EPPK1: variants seen among roughly 807,000 people sequenced by gnomAD.
EPPK1 encodes the protein epiplakin 1, also known as epiplakin.
For synonymous variants in EPPK1, 1,862 were observed against 1,721.2 expected, an observed-to-expected ratio of 1.08 and a Z score of -2.03; for missense variants, 3,823 against 3,673.3, an observed-to-expected ratio of 1.04 and a Z score of -1.05.
Position 143,873,780 on chromosome 8 carries a change from T to C in EPPK1, c.-45-482A>G, listed in dbSNP as rs183983809. 1.2e-3 allele frequency among the ~76,000 whole-genome samples: 170 copies of C among 138,280 alleles called. 1 individual carries two copies. The highest frequency in any genetic ancestry group is 4.2e-3 in the African/African-American group (168 of 39,560). The allele number at this position is 138,280 out of a possible 152,430, so 90.7% of individuals were successfully genotyped here. ...TTTGTTCTCCAAAGGCTCTGCCCCA[T>C]GCCCTGCCCCACCCCAGCTCCAGTG... On this transcript the variant is annotated intron_variant, in intron 1 of 1. Transcript: ENST00000615648.
In EPPK1 at chr8:143,867,576, A is replaced by T; in HGVS notation, c.5678T>A (p.Leu1893Gln). 5.6e-6 allele frequency: 9 copies of T among 1,612,878 alleles called. No individual in the cohort carries two copies. Among genetic ancestry groups the T allele is most frequent in the Non-Finnish European group, 7.6e-6 (9 of 1,179,806 alleles). Residue 1893 changes from leucine to glutamine, a missense_variant, in exon 2 of 2, where the codon CTG becomes CAG. Coordinates refer to ENST00000615648, the MANE Select transcript of EPPK1 (RefSeq NM_031308.4). Reference sequence around the variant, plus strand: ...CCCCGCAATGCAGCCGCTGCCTTCCAGATAGGGCTTCACACACTCCAGCGT... The same window carrying T: ...CCCCGCAATGCAGCCGCTGCCTTCCTGATAGGGCTTCACACACTCCAGCGT... ...LSTLECVKPY[L>Q]EGSGCIAGVT...
rs782210559 is a variant in EPPK1, at chr8:143,867,440, C to G, written c.5814G>C (p.Gly1938=). 2 of 1,612,672 alleles carry G rather than the reference C, an allele frequency of 1.2e-6. No homozygotes were observed. Among genetic ancestry groups the G allele is most frequent in the South Asian group, 1.1e-5 (1 of 91,080 alleles). ...GGCGGGTGCAGGGGTCCAGGAGGAA[C>G]CCGGTGGCGGCCTGCGCCTCCAGCA... ...TWLLEAQAAT[G]FLLDPCTRQK... Residue 1938 remains glycine, a synonymous_variant, in exon 2 of 2, where the codon GGG becomes GGC. Transcript: ENST00000615648.
chr8:143,870,820 G>A lies in EPPK1; in HGVS notation c.2434C>T (p.Gln812Ter). The change falls in exon 2 of 2, where the codon CAG (glutamine) becomes TAG (stop). Residue 812 changes from glutamine to a stop codon, truncating the protein, a stop_gained. Coordinates refer to ENST00000615648, the MANE Select transcript of EPPK1 (RefSeq NM_031308.4). LOFTEE classifies it low-confidence loss of function (END_TRUNC). This position sits in a 1 kb window ranked among gnomAD's most constrained non-coding sequence, Gnocchi z 5.2. ...GAGAGCAGCAGGTTCTGGAAGGCCT[G>A]CTGGGTGGCACTGTCCACCAGCGGG... The part of the protein sequence containing the change: ...QSPLVDSATQ[Q>*]AFQNLLLSVK... 2 of 1,612,814 alleles carry A rather than the reference G, an allele frequency of 1.2e-6. No individual in the cohort carries two copies. The highest frequency in any genetic ancestry group is 1.7e-6 in the Non-Finnish European group (2 of 1,179,874).
chr8:143,878,150 G>C (rs1002475142), intron 1 of EPPK1, among the ~76,000 whole-genome samples: 1 of 151,912 alleles, frequency 6.6e-6, no homozygotes, highest in Non-Finnish European at 1.5e-5. Context: ...GTGAGGGCTC[G>C]GGGCCGGCGC....
rs782006653 is a variant in EPPK1 at position 143,869,716 on chromosome 8, GCA to G, written c.3536_3537del (p.Val1179AlafsTer23). On this transcript the variant is annotated frameshift_variant, in exon 2 of 2. Transcript: ENST00000615648. LOFTEE classifies it low-confidence loss of function (END_TRUNC). ...AGCTTGGTCTCCTGTACCCACCTCTGCACAGAGGCTAGCAGCTGTGGCACAGT... is the reference window on the plus strand; with the variant it reads ...AGCTTGGTCTCCTGTACCCACCTCTGCAGAGGCTAGCAGCTGTGGCACAGT... Reference protein sequence around the residue: ...RTTVPQLLASVQRWVQETKLL... With the variant: ...RTTVPQLLASXQRWVQETKLL... The G allele has an allele frequency of 2.5e-6, 4 of 1,598,182 alleles. No individual in the cohort carries two copies. The South Asian group carries it at 3.4e-5, about 14-fold the overall frequency.
chr8:143,868,311 G>A lies in EPPK1; in HGVS notation c.4943C>T (p.Ala1648Val). The A allele has an allele frequency of 6.2e-7, 1 of 1,613,124 alleles. No homozygotes were observed. Among genetic ancestry groups the A allele is most frequent in the African/African-American group, 1.3e-5 (1 of 75,052 alleles). Residue 1648 changes from alanine to valine, a missense_variant, in exon 2 of 2, where the codon GCC becomes GTC. Coordinates refer to ENST00000615648, the MANE Select transcript of EPPK1 (RefSeq NM_031308.4). ...TYVKLLSAERAVTGYTDPYTG... is the reference protein window; with the variant it reads ...TYVKLLSAERVVTGYTDPYTG... ...ATAGGGGTCGGTGTAGCCGGTGACG[G>A]CGCGCTCGGCCGACAGCAGCTTCAC...
Position 143,866,212 on chromosome 8 carries a change from C to G in EPPK1, c.7042G>C (p.Val2348Leu). Residue 2348 changes from valine (V) to leucine (L), a missense_variant, in exon 2 of 2, where the codon GTC becomes CTC. Coordinates refer to ENST00000615648, the MANE Select transcript of EPPK1 (RefSeq NM_031308.4). ...CGGTGGCTGTGCACGGGGTCGATGA[C>G]GCCGCCCGTGGCGATCTGGGCCTCC... Reference protein sequence around the residue: ...LLEAQIATGGVIDPVHSHRVP... With the variant: ...LLEAQIATGGLIDPVHSHRVP... 2.2e-6 allele frequency: 1 copy of G among 448,580 alleles called. No individual in the cohort carries two copies. The highest frequency in any genetic ancestry group is 5.2e-5 in the Admixed American group (1 of 19,110). 27.8% of individuals were successfully genotyped at this position (448,580 alleles called of 1,614,324 possible).
At position 143,869,310 on chromosome 8, in the gene EPPK1, T is replaced by C. The variant is rs1257001334; in HGVS notation, c.3944A>G (p.Glu1315Gly). The change falls in exon 2 of 2, where the codon GAG (glutamate) becomes GGG (glycine). Residue 1315 changes from glutamate to glycine, a missense_variant. Physicochemically the swap from Glu to Gly is moderately conservative, Grantham distance 98 (BLOSUM62 -2). Transcript: ENST00000615648. ...KVGLVGRELS[E>G]QLGQAERAAA... is the part of the protein sequence containing the mutation. ...CGCCCTCTCGGCCTGCCCGAGCTGCTCACTCAGCTCCCTGCCCACCAGGCC... is the reference window on the plus strand; with the variant it reads ...CGCCCTCTCGGCCTGCCCGAGCTGCCCACTCAGCTCCCTGCCCACCAGGCC... 1 of 1,605,270 alleles carries C rather than the reference T, an allele frequency of 6.2e-7. No individual in the cohort carries two copies. The highest frequency in any genetic ancestry group is 8.5e-7 in the Non-Finnish European group (1 of 1,175,656).
rs1554660440 is a variant in EPPK1 at position 143,869,632 on chromosome 8, G to C, written c.3622C>G (p.Leu1208Val). The C allele has an allele frequency of 6.3e-7, 1 of 1,583,926 alleles. No individual in the cohort carries two copies. The highest frequency in any genetic ancestry group is 8.6e-7 in the Non-Finnish European group (1 of 1,165,400). ...GPRGEVPAVW[L>V]LDAGIITQET... ...TGGGTGATGATGCCAGCATCCAGCA[G>C]CCAGACAGCGGGTACCTCACCCCGT... The change falls in exon 2 of 2, where the codon CTG becomes GTG. Residue 1208 changes from leucine to valine, a missense_variant. Leu to Val is a conservative substitution (Grantham distance 32, BLOSUM62 1). Transcript: ENST00000615648.
chr8:143,858,078 G>C lies in EPPK1; in HGVS notation c.15176C>G (p.Thr5059Arg). Residue 5059 changes from threonine to arginine, a missense_variant, in exon 2 of 2, where the codon ACG (threonine) becomes AGG (arginine). By Grantham distance (71) the Thr-to-Arg change is moderately conservative (BLOSUM62 -1). Coordinates refer to ENST00000615648, the MANE Select transcript of EPPK1 (RefSeq NM_031308.4). ...CTGCAGGTACGTGAGGTTCTCGTGCGTGTTGGGGTCGAAGAAGCCCTTGGT... is the reference window on the plus strand; with the variant it reads ...CTGCAGGTACGTGAGGTTCTCGTGCCTGTTGGGGTCGAAGAAGCCCTTGGT... The part of the protein sequence containing the change: ...DDTKGFFDPN[T>R]HENLTYLQLL... The C allele has an allele frequency of 1.2e-6, 2 of 1,613,484 alleles. No individual in the cohort carries two copies. Among genetic ancestry groups the C allele is most frequent in the Non-Finnish European group, 1.7e-6 (2 of 1,179,994 alleles).
chr8:143,869,941 C>T lies in EPPK1; in HGVS notation c.3313G>A (p.Asp1105Asn), dbSNP rs536640790. 5.4e-5 allele frequency: 87 copies of T among 1,608,418 alleles called. No homozygotes were observed. Among genetic ancestry groups the T allele is most frequent in the South Asian group, 2.2e-4 (20 of 90,234 alleles). ...YAQLLEECPRDETSGLHLLPL... is the reference protein window; with the variant it reads ...YAQLLEECPRNETSGLHLLPL... ...AGGAGGTGAAGGCCAGAAGTCTCAT[C>T]CCTGGGGCACTCCTCCAGGAGCTGG... The change falls in exon 2 of 2, where the codon GAT (aspartate) becomes AAT (asparagine). Residue 1105 changes from aspartate (D) to asparagine (N), a missense_variant. Coordinates refer to ENST00000615648, the MANE Select transcript of EPPK1 (RefSeq NM_031308.4).
At position 143,870,404 on chromosome 8, in the gene EPPK1, C is replaced by T. The variant is rs1329954334; in HGVS notation, c.2850G>A (p.Met950Ile). ...CCCTGGGCCCCAGCAGCTTCTGCCT[C>T]ATGGCCTGGTAGAGGCTGAGCCGCT... Reference protein sequence around the residue: ...SGQRLSLYQAMRQKLLGPRVA... With the variant: ...SGQRLSLYQAIRQKLLGPRVA... The change falls in exon 2 of 2, where the codon ATG (methionine) becomes ATA (isoleucine). Residue 950 changes from methionine to isoleucine, a missense_variant. Physicochemically the swap from Met to Ile is conservative, Grantham distance 10 (BLOSUM62 1). Transcript: ENST00000615648. The surrounding 1 kb of genome is among the most constrained non-coding windows in gnomAD (Gnocchi z 5.2). The T allele has an allele frequency of 1.6e-5, 25 of 1,584,330 alleles. No individual in the cohort carries two copies. The highest frequency in any genetic ancestry group is 2.7e-5 in the African/African-American group (2 of 74,192).
chr8:143,874,686 A>T (rs1819446963), intron 1 of EPPK1, among the ~76,000 whole-genome samples: 2 of 151,842 alleles, frequency 1.3e-5, no homozygotes. Flanking sequence ...AGTGTTCTGC[A>T]CCCCTGTGCC....
rs782102552 is a variant in EPPK1 at position 143,871,181 on chromosome 8, G to A, written c.2073C>T (p.Tyr691=). The change falls in exon 2 of 2, where the codon TAC becomes TAT. Residue 691 remains tyrosine, a synonymous_variant. Transcript: ENST00000615648. ...TCTGCTGCCCGGTGTAGGGGTCAGT[G>A]TAGCCAGTGACAGCGCGCTCAGCCG... ...LLSAERAVTG[Y]TDPYTGQQIS... The A allele has an allele frequency of 6.2e-7, 1 of 1,612,806 alleles. No homozygotes were observed. Among genetic ancestry groups the A allele is most frequent in the Non-Finnish European group, 8.5e-7 (1 of 1,179,944 alleles).
chr8:143,870,915 T>G lies in EPPK1; in HGVS notation c.2339A>C (p.Gln780Pro). 1 of 1,613,398 alleles carries G rather than the reference T, an allele frequency of 6.2e-7. No homozygotes were observed. The highest frequency in any genetic ancestry group is 1.1e-5 in the South Asian group (1 of 91,086). The change falls in exon 2 of 2, where the codon CAG becomes CCG. Residue 780 changes from glutamine (Q) to proline (P), a missense_variant. Physicochemically the swap from Gln to Pro is moderately conservative, Grantham distance 76. Transcript: ENST00000615648. This position sits in a 1 kb window ranked among gnomAD's most constrained non-coding sequence, Gnocchi z 5.2. ...PNTHENLTYL[Q>P]LLERCVRDPE... ...GTCACGCACACAGCGCTCCAGAAGC[T>G]GCAGGTACGTGAGGTTCTCGTGCGT...
rs373092735 is a variant in EPPK1, at chr8:143,868,830, G to T, written c.4424C>A (p.Ser1475Tyr). ...CCGCTTGTCAGCGCCAACGTATTCG[G>T]AGAGCAGCAGGTCCCAGAGTGACAC... ...CSVSLWDLLL[S>Y]EYVGADKRRE... is the part of the protein sequence containing the mutation. The change falls in exon 2 of 2, where the codon TCC (serine) becomes TAC (tyrosine). Residue 1475 changes from serine to tyrosine, a missense_variant. Transcript: ENST00000615648. 1.2e-5 allele frequency: 19 copies of T among 1,606,652 alleles called. No homozygotes were observed. In the South Asian group the frequency reaches 1.9e-4, roughly 16 times the overall value.
intron 1 of EPPK1, 76 bp downstream of exon 1, chr8:143,878,362 A>ACCCGCCGCACCTGCCCGCC (rs1398664333): frequency 1.5e-5 from 1 of 67,042 alleles, no homozygotes; most frequent in African/African-American, 6.5e-5. Flanking sequence ...CCGCACCCGC[A>ACCCGCCGCACCTGCCCGCC]CCCGCCGCAC....
chr8:143,873,915 C>G (rs1171031310), intron 1 of EPPK1, among the ~76,000 whole-genome samples: 1 of 152,176 alleles, frequency 6.6e-6, no homozygotes, highest in Non-Finnish European at 1.5e-5. Context: ...CCACCAGGCT[C>G]CAGCAAGACC....
Position 143,869,238 on chromosome 8 carries a change from C to T in EPPK1, c.4016G>A (p.Trp1339Ter). ...CACGAGCCCCTTCTCCATGGCCTGC[C>T]ACAGAGAGAGGGAGGCCCTAGAGTA... ...DPYSRASLSLWQAMEKGLVPQ... is the reference protein window; with the variant it reads ...DPYSRASLSL Residue 1339 changes from tryptophan (W) to a stop codon, truncating the protein, a stop_gained, in exon 2 of 2, where the codon TGG becomes TAG. Coordinates refer to ENST00000615648, the MANE Select transcript of EPPK1 (RefSeq NM_031308.4). LOFTEE classifies it low-confidence loss of function (END_TRUNC). 1 of 1,610,832 alleles carries T rather than the reference C, an allele frequency of 6.2e-7. No homozygotes were observed. Among genetic ancestry groups the T allele is most frequent in the Admixed American group, 1.7e-5 (1 of 59,970 alleles).
Sources: allele counts gnomAD v4.1 joint callset (sites outside exome capture counted in the v4.1 genomes callset), GRCh38; gene constraint gnomAD v4.1.1; non-coding constraint Gnocchi (gnomAD v3.1); transcripts MANE v1.5; gene names NCBI Gene and HGNC (gene_info 2026-07-23, HGNC 2026-07-21).